CLCA1: variants seen among roughly 807,000 people sequenced by gnomAD.
CLCA1 encodes the protein chloride channel accessory 1, also known as calcium-activated chloride channel regulator 1.
A neutral mutation model predicts 85.6 loss-of-function variants in CLCA1; 59 were observed. The ratio of observed to expected loss-of-function variants is 0.69; its 90% confidence interval spans 0.56 to 0.86. CLCA1 has a LOEUF of 0.86. Ranked by LOEUF, CLCA1 falls within the 40% of genes least tolerant of loss-of-function variation. The pLI is 0.00. For missense variants in CLCA1, 1,022 were observed against 1,101.4 expected, an observed-to-expected ratio of 0.93 and a Z score of 1.02; for synonymous variants, 396 against 398.3, an observed-to-expected ratio of 0.99 and a Z score of 0.07.
intron 7 of CLCA1, among the ~76,000 whole-genome samples, chr1:86,487,379 GA>G (rs550469376): frequency 3.4e-4 from 52 of 152,306 alleles, no homozygotes; most frequent in Admixed American, 1.8e-3. Context: ...TGGTGGTGAA[GA>G]GAGAACCTCT....
At chr1:86,481,433 G>T (rs557930431) in intron 4 of CLCA1, among the ~76,000 whole-genome samples, 19 of 152,000 alleles carry the variant, frequency 1.3e-4, no homozygotes, top group African/African-American at 4.1e-4. Context: ...GTCACCACAC[G>T]CAGCCACATT....
rs1648070908 is a variant in CLCA1 at position 86,489,152 on chromosome 1, G to A, written c.1339G>A (p.Glu447Lys). The change falls in exon 8 of 14, where the codon GAG (glutamate) becomes AAG (lysine). Residue 447 changes from glutamate to lysine, a missense_variant. Coordinates refer to ENST00000394711, the MANE Select transcript of CLCA1 (RefSeq NM_001285.4). ...GCCCTCTGCAGCTCAAGAACTAGAG[G>A]AGCTGTCCAAAATGACAGGTGAGGG... ...LGPSAAQELE[E>K]LSKMTGGLQT... 5.6e-6 allele frequency: 9 copies of A among 1,613,754 alleles called. No homozygotes were observed. The highest frequency in any genetic ancestry group is 1.1e-5 in the South Asian group (1 of 91,046).
At chr1:86,477,109 C>T (rs565163166) in intron 4 of CLCA1, among the ~76,000 whole-genome samples, 1 of 152,248 alleles carries the variant, frequency 6.6e-6, no homozygotes, top group Admixed American at 6.5e-5. Context: ...GGAGTCTCAC[C>T]ATGTTGCCAG....
At chr1:86,481,178 C>T (rs1030808832) in intron 4 of CLCA1, among the ~76,000 whole-genome samples, 3 of 151,676 alleles carry the variant, frequency 2.0e-5, no homozygotes, top group African/African-American at 7.3e-5. Flanking sequence ...ATTGTGTCTC[C>T]CAGGCTGGAG....
At chr1:86,495,483 A>C in intron 11 of CLCA1, 22 bp from the exon 12 acceptor site, 1 of 1,584,436 alleles carries the variant, frequency 6.3e-7, no homozygotes, top group South Asian at 1.1e-5. Context: ...CCTATTTATT[A>C]ATTCCTTCAT....
intron 1 of CLCA1, among the ~76,000 whole-genome samples, chr1:86,472,166 T>C (rs1647520758): frequency 6.6e-6 from 1 of 152,168 alleles, no homozygotes; most frequent in Non-Finnish European, 1.5e-5. Context: ...GAACCTGTTG[T>C]TGTCTGTATT....
At chr1:86,489,601 CAGG>C (rs1454586077) in intron 8 of CLCA1, among the ~76,000 whole-genome samples, 1 of 152,142 alleles carries the variant, frequency 6.6e-6, no homozygotes. Flanking sequence ...ATTCAAGAAA[CAGG>C]AGAAGTAGCA....
chr1:86,495,632 C>A lies in CLCA1; in HGVS notation c.2070C>A (p.Pro690=), dbSNP rs1648263539. 3 of 1,614,012 alleles carry A rather than the reference C, an allele frequency of 1.9e-6. No individual in the cohort carries two copies. The African/African-American group carries it at 4.0e-5, about 22-fold the overall frequency. Reference sequence around the variant, plus strand: ...ACGCAGCCAGACGGAGAGTGATACCCCAGCAGAGTGGAGCACTGTACATAC... The same window carrying A: ...ACGCAGCCAGACGGAGAGTGATACCACAGCAGAGTGGAGCACTGTACATAC... The part of the protein sequence containing the change: ...GVNAARRRVI[P]QQSGALYIPG... The change falls in exon 12 of 14, where the codon CCC becomes CCA. Residue 690 remains proline, a synonymous_variant. Coordinates refer to ENST00000394711, the MANE Select transcript of CLCA1 (RefSeq NM_001285.4).
intron 6 of CLCA1, 39 bp from the exon 7 acceptor site, chr1:86,486,487 T>C (rs888054345): frequency 9.4e-6 from 15 of 1,588,366 alleles, no homozygotes; most frequent in Non-Finnish European, 1.3e-5. Context: ...AGTCTTTCCA[T>C]CTAAACGTAA....
At chr1:86,478,275 A>C (rs1359751828) in intron 4 of CLCA1, among the ~76,000 whole-genome samples, 5 of 151,994 alleles carry the variant, frequency 3.3e-5, no homozygotes, top group Non-Finnish European at 5.9e-5. Context: ...AAATACAAAA[A>C]AATTGGCCAT....
At chr1:86,471,307 G>T (rs1214265930) in intron 1 of CLCA1, among the ~76,000 whole-genome samples, 1 of 152,102 alleles carries the variant, frequency 6.6e-6, no homozygotes, top group Non-Finnish European at 1.5e-5. Flanking sequence ...TATTTACAGA[G>T]CATCTAAATT....
At chr1:86,497,893 A>G (rs1020802037) in intron 12 of CLCA1, among the ~76,000 whole-genome samples, 5 of 152,198 alleles carry the variant, frequency 3.3e-5, no homozygotes, top group Non-Finnish European at 5.9e-5. Flanking sequence ...CTGTAATCCC[A>G]GCACTTTGGG....
Position 86,495,692 on chromosome 1 carries a change from A to T in CLCA1, c.2113+17A>T. On this transcript the variant is annotated intron_variant, in intron 12 of 13. Transcript: ENST00000394711. ...TTGAGAATGGTAAGTAATTTGTAAT[A>T]ACATACCTGGCTTGTGCAAAAGCAT... 6.3e-7 allele frequency: 1 copy of T among 1,598,844 alleles called. No homozygotes were observed. Among genetic ancestry groups the T allele is most frequent in the Non-Finnish European group, 8.5e-7 (1 of 1,170,080 alleles).
In CLCA1 at chr1:86,499,723, A is replaced by T; in HGVS notation, c.2423A>T (p.Gln808Leu). The T allele has an allele frequency of 5.6e-6, 9 of 1,605,148 alleles. No individual in the cohort carries two copies. Among genetic ancestry groups the T allele is most frequent in the Non-Finnish European group, 7.7e-6 (9 of 1,171,968 alleles). The stretch of plus-strand genomic sequence containing the variant: ...AGAGACAAGTTCAATGAATCTCTTC[A>T]AGTGAATACTACTGCTCTCATCCCA... ...DLRDKFNESLQVNTTALIPKE... is the reference protein window; with the variant it reads ...DLRDKFNESLLVNTTALIPKE... Residue 808 changes from glutamine to leucine, a missense_variant, in exon 14 of 14, where the codon CAA (glutamine) becomes CTA (leucine). Coordinates refer to ENST00000394711, the MANE Select transcript of CLCA1 (RefSeq NM_001285.4).
Position 86,476,572 on chromosome 1 carries a change from A to G in CLCA1, c.557+19A>G. 1 of 1,251,544 alleles carries G rather than the reference A, an allele frequency of 8.0e-7. No homozygotes were observed. Among genetic ancestry groups the G allele is most frequent in the Non-Finnish European group, 1.2e-6 (1 of 861,194 alleles). 77.5% of individuals were successfully genotyped at this position (1,251,544 alleles called of 1,614,324 possible). A position where few individuals can be genotyped will look rare whatever the true frequency, so the allele number is the denominator to read the frequency against. ...CAGTAAGGTATGTATATTTTGATTT[A>G]ACTTGTTCCAAACTATTTTAAATTG... is the stretch of plus-strand genomic sequence containing the variant. On this transcript the variant is annotated intron_variant, in intron 4 of 13. Coordinates refer to ENST00000394711, the MANE Select transcript of CLCA1 (RefSeq NM_001285.4).
chr1:86,473,363 A>T, intron 1 of CLCA1, 54 bp from the exon 2 acceptor site: 31 of 1,243,040 alleles, frequency 2.5e-5, no homozygotes, highest in Non-Finnish European at 3.3e-5. Context: ...TGAATGACTG[A>T]TAATTTAATT....
chr1:86,498,203 G>GAAGGAAGGAAGGAAGGAAGA, intron 12 of CLCA1, among the ~76,000 whole-genome samples: 3 of 150,120 alleles, frequency 2.0e-5, no homozygotes, highest in Non-Finnish European at 4.4e-5. Flanking sequence ...AGGAAGGAAG[G>GAAGGAAGGAAGGAAGGAAGA]AAGGAAAAAA....
At chr1:86,486,159 C>CAA (rs1310150003) in intron 6 of CLCA1, among the ~76,000 whole-genome samples, 1 of 152,164 alleles carries the variant, frequency 6.6e-6, no homozygotes, top group Non-Finnish European at 1.5e-5. Flanking sequence ...TCCCACCTCC[C>CAA]ACCAGGTCCC....
intron 4 of CLCA1, among the ~76,000 whole-genome samples, chr1:86,479,266 C>T (rs891645507): frequency 4.6e-5 from 7 of 152,104 alleles, no homozygotes; most frequent in African/African-American, 1.7e-4. Flanking sequence ...TACTTCAAGA[C>T]AGCAATGAAA....
Sources: allele counts gnomAD v4.1 joint callset (sites outside exome capture counted in the v4.1 genomes callset), GRCh38; gene constraint gnomAD v4.1.1; transcripts MANE v1.5; gene names NCBI Gene and HGNC (gene_info 2026-07-23, HGNC 2026-07-21).